Variants in TENM4 observed in about 807,000 individuals in gnomAD.
TENM4 encodes the protein teneurin-4.
Under a neutral mutation model 243.3 loss-of-function variants are expected in TENM4, and 82 were observed. That is an observed-to-expected ratio of 0.34 (90% CI 0.28 to 0.40). The LOEUF (loss-of-function observed/expected upper bound fraction) is 0.40, where lower values mean the gene tolerates loss of function less well. TENM4 is among the 10% of genes least tolerant of loss of function. The pLI is 1.00. For missense variants in TENM4, 3,138 were observed against 3,673.3 expected (o/e 0.85, Z 3.77); for synonymous variants, 1,412 against 1,456.3 (o/e 0.97, Z 0.69).
chr11:79,047,125 C>T (rs759319208), intron 6 of TENM4, among the ~76,000 whole-genome samples: 52 of 152,232 alleles, frequency 3.4e-4, no homozygotes, highest in South Asian at 3.1e-3. Context: ...TTAAAAGTAA[C>T]GGCAAAACCC....
At chr11:79,418,184 C>T (rs1209981986) in intron 1 of TENM4, among the ~76,000 whole-genome samples, 2 of 152,138 alleles carry the variant, frequency 1.3e-5, no homozygotes, top group Non-Finnish European at 2.9e-5. Flanking sequence ...ATTCTAGCCG[C>T]ATTTCAAGGG....
chr11:78,672,916 G>A (rs564071465), intron 30 of TENM4, among the ~76,000 whole-genome samples: 5 of 152,046 alleles, frequency 3.3e-5, no homozygotes, highest in Non-Finnish European at 7.4e-5. Flanking sequence ...AGCCCCTGTC[G>A]GGTGTCTCCT....
chr11:79,134,287 C>A (rs924535922), intron 4 of TENM4, among the ~76,000 whole-genome samples: 3 of 152,038 alleles, frequency 2.0e-5, no homozygotes, highest in African/African-American at 7.2e-5. Context: ...TCTGCCTAAC[C>A]AAGGAGTCAA....
intron 2 of TENM4, among the ~76,000 whole-genome samples, chr11:79,291,890 C>A (rs1378393756): frequency 2.6e-5 from 4 of 152,132 alleles, no homozygotes; most frequent in Admixed American, 2.0e-4. Flanking sequence ...GCACTAGCAC[C>A]CCTCACTGCA....
chr11:79,273,462 C>G (rs959617601), intron 2 of TENM4, among the ~76,000 whole-genome samples: 1 of 152,144 alleles, frequency 6.6e-6, no homozygotes, highest in African/African-American at 2.4e-5. Context: ...GCTCTAGAAA[C>G]GATAAAGAAA....
At chr11:79,052,234 C>T (rs1300687484) in intron 6 of TENM4, among the ~76,000 whole-genome samples, 1 of 152,212 alleles carries the variant, frequency 6.6e-6, no homozygotes, top group African/African-American at 2.4e-5. Flanking sequence ...TTTACACTTC[C>T]ACCAACAGTG....
At chr11:79,083,851 A>C (rs1460608294) in intron 4 of TENM4, among the ~76,000 whole-genome samples, 1 of 152,240 alleles carries the variant, frequency 6.6e-6, no homozygotes, top group Non-Finnish European at 1.5e-5. Flanking sequence ...ACCAAAATTG[A>C]AAACTTGTGC....
At chr11:78,749,829 G>A (rs1856141484) in intron 19 of TENM4, among the ~76,000 whole-genome samples, 1 of 152,134 alleles carries the variant, frequency 6.6e-6, no homozygotes. Context: ...ATGAAATGCT[G>A]GAACTTGGTT....
At chr11:79,359,648 T>C (rs954963405) in intron 1 of TENM4, among the ~76,000 whole-genome samples, 1 of 151,984 alleles carries the variant, frequency 6.6e-6, no homozygotes, top group Non-Finnish European at 1.5e-5. Context: ...AGTGCTGAGG[T>C]CGAAGGGGGG....
At chr11:79,026,273 C>T (rs554093562) in intron 6 of TENM4, among the ~76,000 whole-genome samples, 157 of 151,408 alleles carry the variant, frequency 1.0e-3, no homozygotes, top group Admixed American at 2.8e-3. Context: ...TACAGTAAAA[C>T]CAACTTGAAA....
chr11:78,778,687 C>A (rs560612813), intron 16 of TENM4, 59 bp from the exon 17 acceptor site: 2 of 1,502,640 alleles, frequency 1.3e-6, no homozygotes, highest in Admixed American at 3.5e-5. Flanking sequence ...ATATCGCCTG[C>A]CACATAACCA....
At chr11:78,668,863 AAAG>A (rs1448655820) in intron 32 of TENM4, 71 bp downstream of exon 32, 15 of 1,505,984 alleles carry the variant, frequency 1.0e-5, no homozygotes, top group African/African-American at 1.4e-5. Context: ...CAGCTTTCTC[AAAG>A]AAGACTAAGT....
chr11:79,085,263 G>A (rs1216219768), intron 4 of TENM4, among the ~76,000 whole-genome samples: 1 of 151,650 alleles, frequency 6.6e-6, no homozygotes, highest in African/African-American at 2.4e-5. Context: ...TGTAGTTCCA[G>A]CTACTCAGGA....
chr11:79,287,223 C>T (rs957148904), intron 2 of TENM4, among the ~76,000 whole-genome samples: 1 of 152,138 alleles, frequency 6.6e-6, no homozygotes, highest in Non-Finnish European at 1.5e-5. Flanking sequence ...GCACATGGGG[C>T]AGGATGACTT....
intron 6 of TENM4, among the ~76,000 whole-genome samples, chr11:78,942,812 A>G (rs1440560085): frequency 2.6e-5 from 3 of 115,132 alleles, no homozygotes; most frequent in Non-Finnish European, 3.9e-5. Context: ...TTCATGACAG[A>G]CAAAAAAAAA....
intron 6 of TENM4, among the ~76,000 whole-genome samples, chr11:78,945,296 T>G (rs993602020): frequency 3.3e-5 from 5 of 152,228 alleles, no homozygotes; most frequent in Non-Finnish European, 5.9e-5. Context: ...TTTCAAATGT[T>G]TAAACTATTA....
At chr11:78,971,556 C>T (rs1203228242) in intron 6 of TENM4, among the ~76,000 whole-genome samples, 9 of 152,156 alleles carry the variant, frequency 5.9e-5, no homozygotes, top group Admixed American at 5.2e-4. Flanking sequence ...CCACCTCGGC[C>T]TCCCAAAGTG....
rs1857817885 is a variant in TENM4, at chr11:78,653,437, A to G, written c.*4621T>C. The G allele has an allele frequency of 6.6e-6, 1 of 152,206 alleles. No homozygotes were observed. Among genetic ancestry groups the G allele is most frequent in the Non-Finnish European group, 1.5e-5 (1 of 68,016 alleles). The allele number at this position is 152,206 out of a possible 1,614,324, so 9.4% of individuals were successfully genotyped here. ...AGTCAAGATACAGTGTTAGAAACACAAAAGTGTTGAGAAAAAAACTTCTCA... is the reference window on the plus strand; with the variant it reads ...AGTCAAGATACAGTGTTAGAAACACGAAAGTGTTGAGAAAAAAACTTCTCA... On this transcript the variant is annotated 3_prime_UTR_variant, in exon 34 of 34. Transcript: ENST00000278550.
At chr11:78,863,879 T>C (rs994021458) in intron 9 of TENM4, among the ~76,000 whole-genome samples, 3 of 152,250 alleles carry the variant, frequency 2.0e-5, no homozygotes, top group Non-Finnish European at 2.9e-5. Context: ...CTAAATGATG[T>C]ACATACAAGG....
Sources: gnomAD v4.1 joint callset for allele counts (sites outside exome capture counted in the v4.1 genomes callset) on GRCh38, gnomAD v4.1.1 for gene constraint, MANE v1.5 for transcripts, NCBI Gene and HGNC (gene_info 2026-07-23, HGNC 2026-07-21) for gene names.